The following EYA2 variants were observed in gnomAD, a reference collection of about 807,000 sequenced individuals.
EYA2 encodes protein phosphatase EYA2.
EYA2 carries 31 observed loss-of-function variants against 69.2 expected under a neutral mutation model. The ratio of observed to expected loss-of-function variants is 0.45; its 90% CI spans 0.34 to 0.60. EYA2 has a LOEUF of 0.60. Among genes scored for constraint, EYA2 ranks in the 20% least tolerant of loss-of-function variants. The pLI, the probability that EYA2 is intolerant of heterozygous loss-of-function variation, is 0.02. For synonymous variants in EYA2, 257 were observed against 279.4 expected (o/e 0.92, Z 0.80); for missense variants, 622 against 701.2 (o/e 0.89, Z 1.28).
At chr20:47,061,718 A>G (rs2030899113) in intron 5 of EYA2, among the ~76,000 whole-genome samples, 1 of 152,216 alleles carries the variant, frequency 6.6e-6, no homozygotes, top group South Asian at 2.1e-4. Context: ...CACAGCATCC[A>G]AGCACATGAT....
At chr20:47,018,900 T>A (rs1431667740) in intron 5 of EYA2, among the ~76,000 whole-genome samples, 2 of 152,148 alleles carry the variant, frequency 1.3e-5, no homozygotes, top group Non-Finnish European at 2.9e-5. Context: ...ATGATGAGAT[T>A]TCCTGGACTC....
intron 5 of EYA2, among the ~76,000 whole-genome samples, chr20:47,038,583 T>G (rs1236204245): frequency 6.6e-6 from 1 of 152,126 alleles, no homozygotes; most frequent in Non-Finnish European, 1.5e-5. Context: ...CCCTGAGGGG[T>G]CTGTGTGTGT....
chr20:46,940,457 G>A (rs1445288932), intron 1 of EYA2, among the ~76,000 whole-genome samples: 1 of 152,166 alleles, frequency 6.6e-6, no homozygotes, highest in Non-Finnish European at 1.5e-5. Flanking sequence ...TTCAGAGCCC[G>A]CATCCTTAAC....
chr20:46,899,486 A>C (rs1373455903), intron 1 of EYA2, among the ~76,000 whole-genome samples: 1 of 152,228 alleles, frequency 6.6e-6, no homozygotes. Context: ...CGATACTAAC[A>C]CTACGCATTT....
At chr20:47,172,470 G>A (rs1254709195) in intron 11 of EYA2, among the ~76,000 whole-genome samples, 1 of 152,102 alleles carries the variant, frequency 6.6e-6, no homozygotes, top group Non-Finnish European at 1.5e-5. Flanking sequence ...AAAAATAAAT[G>A]AAAGGCAAAT....
intron 1 of EYA2, among the ~76,000 whole-genome samples, chr20:46,986,388 G>GATATATAATATATAGATCTATATAAT (rs1555809559): frequency 2.4e-4 from 16 of 66,036 alleles, no homozygotes; most frequent in Non-Finnish European, 4.1e-4. Context: ...ATTATATATC[G>GATATATAATATATAGATCTATATAAT]ATATATAATA....
chr20:46,914,058 G>A (rs772321179), intron 1 of EYA2, among the ~76,000 whole-genome samples: 1 of 152,068 alleles, frequency 6.6e-6, no homozygotes, highest in Admixed American at 6.5e-5. Flanking sequence ...CCTCCTCTTC[G>A]TTTTGAGGAA....
intron 9 of EYA2, among the ~76,000 whole-genome samples, chr20:47,127,291 T>C (rs2033216227): frequency 6.6e-6 from 1 of 152,128 alleles, no homozygotes; most frequent in Non-Finnish European, 1.5e-5. Flanking sequence ...CTCTACTTAT[T>C]ATGCAAGTTT....
chr20:46,992,261 G>C (rs1981725798), intron 2 of EYA2, among the ~76,000 whole-genome samples: 1 of 152,158 alleles, frequency 6.6e-6, no homozygotes, highest in Non-Finnish European at 1.5e-5. Flanking sequence ...TCTAAAAAGT[G>C]GGTACTGTTA....
chr20:47,020,167 A>G (rs1983664742), intron 5 of EYA2, among the ~76,000 whole-genome samples: 1 of 151,922 alleles, frequency 6.6e-6, no homozygotes. Context: ...TTTTAGAAGC[A>G]AAAAAGGATG....
intron 1 of EYA2, among the ~76,000 whole-genome samples, chr20:46,983,483 G>T (rs1980970861): frequency 2.0e-5 from 3 of 152,098 alleles, no homozygotes; most frequent in Admixed American, 2.0e-4. Flanking sequence ...GTTTCTCAAG[G>T]CTCCTCATCC....
chr20:47,007,371 G>A (rs1982781120), intron 4 of EYA2, among the ~76,000 whole-genome samples: 1 of 152,240 alleles, frequency 6.6e-6, no homozygotes, highest in African/African-American at 2.4e-5. Context: ...AGATAGCCAT[G>A]TGCAGGCACA....
intron 5 of EYA2, among the ~76,000 whole-genome samples, chr20:47,055,553 G>A (rs1471694961): frequency 5.3e-5 from 8 of 152,118 alleles, no homozygotes; most frequent in Non-Finnish European, 8.8e-5. Context: ...TGCAGTTCCT[G>A]ATGACCTCTC....
rs934932137 is a variant in EYA2, at chr20:46,951,314, A to G, written c.-10-38687A>G. Among the ~76,000 whole-genome samples, 10 of 152,166 alleles carry G rather than the reference A, an allele frequency of 6.6e-5. No homozygotes were observed. The South Asian group carries it at 1.5e-3, about 22-fold the overall frequency. On this transcript the variant is annotated intron_variant, in intron 1 of 15. Transcript: ENST00000327619. The stretch of plus-strand genomic sequence containing the variant: ...GCAGCTTTCTGGTCACAGCACATGT[A>G]GCAGTAACCAGTTGTCTGGTGTCGC...
rs372675757 is a variant in EYA2 at position 47,181,132 on chromosome 20, CCA to C, written c.1435+199_1435+200del. Among the ~76,000 whole-genome samples, 188 of 152,242 alleles carry C rather than the reference CCA, an allele frequency of 1.2e-3. 1 individual carries two copies. The highest frequency in any genetic ancestry group is 4.4e-3 in the African/African-American group (181 of 41,536). ...CTGCTTCTAAAGAAATTGGTTAGGA[CCA>C]CAGTTTTCCAAAGTGTCTGTATGAG... On this transcript the variant is annotated intron_variant, in intron 14 of 15. Transcript: ENST00000327619.
intron 9 of EYA2, among the ~76,000 whole-genome samples, chr20:47,140,633 ATG>A (rs1172479217): frequency 6.6e-6 from 1 of 152,064 alleles, no homozygotes; most frequent in Admixed American, 6.6e-5. Flanking sequence ...CAGATTACCT[ATG>A]TTCTAATCTC....
intron 10 of EYA2, 133 bp from the exon 11 acceptor site, chr20:47,169,006 A>G (rs2034263018): frequency 1.3e-6 from 1 of 749,980 alleles, no homozygotes; most frequent in East Asian, 2.5e-5. Flanking sequence ...AATCCAGACT[A>G]GAACCCGAGC....
At chr20:46,902,631 A>G (rs1206538895) in intron 1 of EYA2, among the ~76,000 whole-genome samples, 1 of 152,242 alleles carries the variant, frequency 6.6e-6, no homozygotes, top group Non-Finnish European at 1.5e-5. Flanking sequence ...GTCCTTTTCC[A>G]CTTGCATTGC....
chr20:46,970,148 G>T (rs1462733257), intron 1 of EYA2, among the ~76,000 whole-genome samples: 1 of 152,234 alleles, frequency 6.6e-6, no homozygotes, highest in Non-Finnish European at 1.5e-5. Flanking sequence ...TGAAGAATCA[G>T]TTCTCAGATT....
Sources: allele counts gnomAD v4.1 joint callset (sites outside exome capture counted in the v4.1 genomes callset), GRCh38; gene constraint gnomAD v4.1.1; transcripts MANE v1.5; gene names NCBI Gene and HGNC (gene_info 2026-07-23, HGNC 2026-07-21).